The following PPFIBP1 variants were observed in gnomAD, a reference collection of about 807,000 sequenced individuals.
PPFIBP1 encodes liprin-beta-1.
In PPFIBP1, 112 loss-of-function variants were observed where a neutral mutation model predicts 137.8. The ratio of observed to expected loss-of-function variants is 0.81; its 90% CI spans 0.70 to 0.95. The LOEUF (loss-of-function observed/expected upper bound fraction) is 0.95, where lower values mean the gene tolerates loss of function less well. PPFIBP1 is among the 40% of genes least tolerant of loss of function. The pLI is 0.00. For synonymous variants in PPFIBP1, 378 were observed against 417.3 expected (o/e 0.91, Z 1.15); for missense variants, 1,083 against 1,196.6 (o/e 0.91, Z 1.40).
chr12:27,533,125 C>T (rs573489652), intron 1 of PPFIBP1, among the ~76,000 whole-genome samples: 10 of 152,182 alleles, frequency 6.6e-5, no homozygotes, highest in South Asian at 4.1e-4. Flanking sequence ...CTCAGCCTCC[C>T]GAGTAGCTGG....
At chr12:27,593,942 G>C (rs2052862568) in intron 2 of PPFIBP1, 5 of 1,478,572 alleles carry the variant, frequency 3.4e-6, no homozygotes, top group South Asian at 1.6e-5. Context: ...CTCACAGGGG[G>C]TGTCCTCACA....
chr12:27,691,835 G>A lies in PPFIBP1; in HGVS notation c.2772G>A (p.Leu924=). 1.2e-6 allele frequency: 2 copies of A among 1,613,640 alleles called. No individual in the cohort carries two copies. Among genetic ancestry groups the A allele is most frequent in the Admixed American group, 3.3e-5 (2 of 60,006 alleles). ...AAGAATATGTTTGTCCAATGGAATT[G>A]GGACAGGCATCAGGAAGTGCATCTA... ...DGEEYVCPME[L]GQASGSASKK... is the part of the protein sequence containing the mutation. The change falls in exon 28 of 30, where the codon TTG becomes TTA. Residue 924 remains leucine (L), a synonymous_variant. Coordinates refer to ENST00000228425, the MANE Select transcript of PPFIBP1 (RefSeq NM_003622.4).
chr12:27,631,690 T>G (rs1397474092), intron 2 of PPFIBP1, among the ~76,000 whole-genome samples: 1 of 152,170 alleles, frequency 6.6e-6, no homozygotes, highest in Non-Finnish European at 1.5e-5. Flanking sequence ...ATAATAGCAT[T>G]TGAAAGGCTC....
At position 27,693,547 on chromosome 12, in the gene PPFIBP1, A is replaced by G. The variant is rs2061660787; in HGVS notation, c.*665A>G. On this transcript the variant is annotated 3_prime_UTR_variant, in exon 30 of 30. Coordinates refer to ENST00000228425, the MANE Select transcript of PPFIBP1 (RefSeq NM_003622.4). The stretch of plus-strand genomic sequence containing the variant: ...TGATCTTTCTCCATACTGACTTTTA[A>G]CAATGTTGATCATTGAGGCTAAATT... The G allele has an allele frequency of 6.6e-6, 1 of 152,178 alleles. No homozygotes were observed. The highest frequency in any genetic ancestry group is 2.4e-5 in the African/African-American group (1 of 41,452). The allele number at this position is 152,178 out of a possible 1,614,324, so 9.4% of individuals were successfully genotyped here.
chr12:27,601,995 A>G (rs2054046782), intron 2 of PPFIBP1, among the ~76,000 whole-genome samples: 1 of 152,188 alleles, frequency 6.6e-6, no homozygotes, highest in South Asian at 2.1e-4. Flanking sequence ...GACCACCTGA[A>G]CTAGTGGCTA....
Position 27,681,660 on chromosome 12 carries a change from A to C in PPFIBP1, c.2010A>C (p.Gln670His). ...GCAAGCACTGGATTGCATCTGGCCA[A>C]ACGCTTTTGCAGGCTTCTCAACAAG... ...NSGKHWIASGQTLLQASQQDL... is the reference protein window; with the variant it reads ...NSGKHWIASGHTLLQASQQDL... Residue 670 changes from glutamine (Q) to histidine (H), a missense_variant, in exon 22 of 30, where the codon CAA becomes CAC. By Grantham distance (24) the Gln-to-His change is conservative. Transcript: ENST00000228425. The C allele has an allele frequency of 6.2e-7, 1 of 1,614,192 alleles. No homozygotes were observed.
intron 17 of PPFIBP1, among the ~76,000 whole-genome samples, chr12:27,675,400 T>A (rs2060455827): frequency 6.6e-6 from 1 of 152,222 alleles, no homozygotes; most frequent in African/African-American, 2.4e-5. Context: ...TTGGTTTCTA[T>A]GAGCTGTAGA....
In PPFIBP1 at chr12:27,661,084, C is replaced by T. The variant is rs1230488644; in HGVS notation, c.906+139C>T. On this transcript the variant is annotated intron_variant, in intron 11 of 29. Transcript: ENST00000228425. Reference sequence around the variant, plus strand: ...GGAGTGAGGGGCAGGTGTGCACACTCCCAGGTGGGCTGTATGCACAGGAAT... The same window carrying T: ...GGAGTGAGGGGCAGGTGTGCACACTTCCAGGTGGGCTGTATGCACAGGAAT... 11 of 1,288,918 alleles carry T rather than the reference C, an allele frequency of 8.5e-6. 1 individual carries two copies. Among genetic ancestry groups the T allele is most frequent in the Non-Finnish European group, 9.4e-6 (9 of 957,640 alleles). The allele number at this position is 1,288,918 out of a possible 1,614,324, so 79.8% of individuals were successfully genotyped here. A position where few individuals can be genotyped will look rare whatever the true frequency, so the allele number is the denominator to read the frequency against.
At chr12:27,524,713 A>C (rs1000132636) in intron 1 of PPFIBP1, among the ~76,000 whole-genome samples, 5 of 152,204 alleles carry the variant, frequency 3.3e-5, no homozygotes, top group African/African-American at 1.2e-4. Context: ...GCATTTAAAA[A>C]TGCCACAAAA....
chr12:27,657,774 A>G (rs2059299419), intron 9 of PPFIBP1, among the ~76,000 whole-genome samples: 1 of 152,072 alleles, frequency 6.6e-6, no homozygotes, highest in Non-Finnish European at 1.5e-5. Flanking sequence ...GATAAGGGAC[A>G]TTCAGAAACA....
intron 4 of PPFIBP1, chr12:27,637,361 G>C (rs2057756417): frequency 6.6e-6 from 1 of 152,106 alleles, no homozygotes; most frequent in African/African-American, 2.4e-5. Flanking sequence ...ATGGGTAATG[G>C]CTTGTTGATC....
intron 4 of PPFIBP1, among the ~76,000 whole-genome samples, chr12:27,641,006 G>A (rs1327773957): frequency 6.6e-6 from 1 of 152,138 alleles, no homozygotes; most frequent in Non-Finnish European, 1.5e-5. Context: ...GATCCTGAAT[G>A]TTTAAAAACA....
intron 1 of PPFIBP1, among the ~76,000 whole-genome samples, chr12:27,531,929 G>C (rs1376529955): frequency 6.6e-6 from 1 of 151,806 alleles, no homozygotes; most frequent in Non-Finnish European, 1.5e-5. Context: ...TGAAGGGCGG[G>C]GACTCCAGAG....
chr12:27,687,030 A>G (rs895785753), intron 24 of PPFIBP1, among the ~76,000 whole-genome samples: 4 of 152,226 alleles, frequency 2.6e-5, no homozygotes, highest in African/African-American at 9.6e-5. Context: ...CTAAAGAGGA[A>G]ACAAATAAAT....
intron 4 of PPFIBP1, among the ~76,000 whole-genome samples, chr12:27,644,934 C>G (rs1404334589): frequency 6.7e-6 from 1 of 149,416 alleles, no homozygotes; most frequent in Non-Finnish European, 1.5e-5. Context: ...CTTCCCCCTT[C>G]CCAGCACATG....
At chr12:27,607,979 C>G (rs774922054) in intron 2 of PPFIBP1, among the ~76,000 whole-genome samples, 162 of 152,224 alleles carry the variant, frequency 1.1e-3, no homozygotes, top group Non-Finnish European at 2.0e-3. Flanking sequence ...ACAGACATTC[C>G]AATTTGTACA....
In PPFIBP1 at chr12:27,646,094, G is replaced by A. The variant is rs374249871; in HGVS notation, c.303G>A (p.Val101=). The A allele has an allele frequency of 1.1e-5, 17 of 1,611,702 alleles. No homozygotes were observed. The highest frequency in any genetic ancestry group is 1.4e-5 in the Non-Finnish European group (16 of 1,178,536). Residue 101 remains valine (V), a synonymous_variant, in exon 5 of 30, where the codon GTG becomes GTA. Transcript: ENST00000228425. Reference sequence around the variant, plus strand: ...GACACCTACCAGGGAACGGAGATGTGTATCAAGAAAGGCTGGCACGTTTAG... The same window carrying A: ...GACACCTACCAGGGAACGGAGATGTATATCAAGAAAGGCTGGCACGTTTAG... ...TNGHLPGNGD[V]YQERLARLEN... is the part of the protein sequence containing the mutation.
At chr12:27,548,209 A>T (rs1946412881) in intron 1 of PPFIBP1, 1 of 152,184 alleles carries the variant, frequency 6.6e-6, no homozygotes, top group African/African-American at 2.4e-5. Flanking sequence ...CCCAAGCATG[A>T]ATTACTGCAC....
intron 12 of PPFIBP1, 65 bp downstream of exon 12, chr12:27,664,511 T>C: frequency 9.0e-7 from 1 of 1,114,614 alleles, no homozygotes; most frequent in South Asian, 1.3e-5. Context: ...ACTTACACAT[T>C]TGGCCTCAAT....
Sources: gnomAD v4.1 joint callset for allele counts (sites outside exome capture counted in the v4.1 genomes callset) on GRCh38, gnomAD v4.1.1 for gene constraint, MANE v1.5 for transcripts, NCBI Gene and HGNC (gene_info 2026-07-23, HGNC 2026-07-21) for gene names.